PABPC4L: variants seen among roughly 807,000 people sequenced by gnomAD.
PABPC4L encodes polyadenylate-binding protein 4-like.
For missense variants in PABPC4L, 452 were observed against 451.4 expected (o/e 1.00, Z -0.01); for synonymous variants, 169 against 164.1 (o/e 1.03, Z -0.23).
chr4:134,123,137 G>A, the PABPC4L span, among the ~76,000 whole-genome samples: 1 of 151,856 alleles, frequency 6.6e-6, no homozygotes, highest in Admixed American at 6.6e-5. Context: ...GTCTTTTAAA[G>A]GCACCTTATT....
the PABPC4L span, among the ~76,000 whole-genome samples, chr4:134,147,850 G>A: frequency 6.6e-6 from 1 of 151,914 alleles, no homozygotes; most frequent in Non-Finnish European, 1.5e-5. Flanking sequence ...TGTTGGAGAT[G>A]TGGAAAAATG....
At chr4:134,165,783 G>C in the PABPC4L span, among the ~76,000 whole-genome samples, 5 of 152,202 alleles carry the variant, frequency 3.3e-5, no homozygotes, top group East Asian at 9.7e-4. Context: ...TCCCTCTACT[G>C]GGTATCTACC....
At chr4:134,095,029 A>G in the PABPC4L span, among the ~76,000 whole-genome samples, 1 of 151,786 alleles carries the variant, frequency 6.6e-6, no homozygotes, top group Non-Finnish European at 1.5e-5. Context: ...AGTCCATTAA[A>G]ATTCAGTCTC....
the PABPC4L span, among the ~76,000 whole-genome samples, chr4:134,110,436 T>C: frequency 6.6e-6 from 1 of 151,974 alleles, no homozygotes; most frequent in Non-Finnish European, 1.5e-5. Flanking sequence ...AATATTTTTT[T>C]CTTAGAAAAT....
chr4:134,107,667 T>C, the PABPC4L span, among the ~76,000 whole-genome samples: 2 of 151,618 alleles, frequency 1.3e-5, no homozygotes, highest in Non-Finnish European at 1.5e-5. Context: ...AAACAGAACA[T>C]TTAATTAATC....
the PABPC4L span, among the ~76,000 whole-genome samples, chr4:134,166,457 G>T: frequency 2.0e-5 from 3 of 152,172 alleles, no homozygotes; most frequent in Non-Finnish European, 4.4e-5. Flanking sequence ...AGCCTGCAGA[G>T]GTCCCAGAAG....
chr4:134,157,215 C>T, the PABPC4L span, among the ~76,000 whole-genome samples: 1 of 149,582 alleles, frequency 6.7e-6, no homozygotes, highest in African/African-American at 2.4e-5. Flanking sequence ...TTTTTGTTTT[C>T]AAATTTGTTA....
the PABPC4L span, among the ~76,000 whole-genome samples, chr4:134,108,173 G>A: frequency 2.0e-5 from 3 of 151,598 alleles, no homozygotes; most frequent in Admixed American, 6.6e-5. Flanking sequence ...ATATGCACAT[G>A]TACACATATA....
At chr4:134,110,428 T>G in the PABPC4L span, among the ~76,000 whole-genome samples, 1 of 152,006 alleles carries the variant, frequency 6.6e-6, no homozygotes, top group African/African-American at 2.4e-5. Context: ...GTATGAAAAA[T>G]ATTTTTTTCT....
At chr4:134,007,568 G>T in the PABPC4L span, among the ~76,000 whole-genome samples, 67 of 151,570 alleles carry the variant, frequency 4.4e-4, no homozygotes, top group Admixed American at 3.9e-3. Flanking sequence ...TATGTAATAA[G>T]GTTAAATAGC....
chr4:134,035,580 G>T, the PABPC4L span, among the ~76,000 whole-genome samples: 2 of 151,858 alleles, frequency 1.3e-5, no homozygotes, highest in Non-Finnish European at 2.9e-5. Context: ...GAAAATAAAG[G>T]CATAATGTTT....
the PABPC4L span, among the ~76,000 whole-genome samples, chr4:134,137,400 A>G: frequency 1.3e-5 from 2 of 151,886 alleles, no homozygotes; most frequent in African/African-American, 4.8e-5. Context: ...AGTATAAGAG[A>G]TTAGAATATT....
the PABPC4L span, among the ~76,000 whole-genome samples, chr4:133,994,655 G>C: frequency 0.016 from 2,454 of 152,110 alleles, 74 homozygotes; most frequent in African/African-American, 0.055. Flanking sequence ...GTAATCATGT[G>C]TCTTTGATCT....
the PABPC4L span, among the ~76,000 whole-genome samples, chr4:134,081,431 GA>G: frequency 6.6e-6 from 1 of 152,126 alleles, no homozygotes; most frequent in South Asian, 2.1e-4. Flanking sequence ...TGGGCTGCAG[GA>G]ATTCTCACCA....
chr4:133,962,008 T>A, the PABPC4L span, among the ~76,000 whole-genome samples: 1 of 152,162 alleles, frequency 6.6e-6, no homozygotes, highest in Non-Finnish European at 1.5e-5. Context: ...GGAAGCAGCC[T>A]GCCACCATCT....
the PABPC4L span, among the ~76,000 whole-genome samples, chr4:134,156,966 G>A: frequency 6.6e-6 from 1 of 151,634 alleles, no homozygotes; most frequent in African/African-American, 2.4e-5. Context: ...TTTTCTTTAG[G>A]TTTAATATGT....
the PABPC4L span, among the ~76,000 whole-genome samples, chr4:134,024,864 G>C: frequency 1.4e-5 from 2 of 144,132 alleles, no homozygotes; most frequent in Non-Finnish European, 3.0e-5. Flanking sequence ...TGAACTCCTA[G>C]GCTCAAACGA....
chr4:134,124,071 G>T, the PABPC4L span, among the ~76,000 whole-genome samples: 1 of 152,026 alleles, frequency 6.6e-6, no homozygotes, highest in Admixed American at 6.6e-5. Flanking sequence ...CAGAAATCAG[G>T]GGTAATTCTA....
chr4:133,964,826 T>G, the PABPC4L span, among the ~76,000 whole-genome samples: 3 of 152,046 alleles, frequency 2.0e-5, no homozygotes, highest in Non-Finnish European at 2.9e-5. Flanking sequence ...CTCAATGTAA[T>G]AAAAGCCATC....
Sources: allele counts gnomAD v4.1 joint callset (sites outside exome capture counted in the v4.1 genomes callset), GRCh38; gene constraint gnomAD v4.1.1; transcripts MANE v1.5; gene names NCBI Gene and HGNC (gene_info 2026-07-23, HGNC 2026-07-21).